SPATA16: variants seen among roughly 807,000 people sequenced by gnomAD.
SPATA16 encodes spermatogenesis-associated protein 16.
In SPATA16, 36 loss-of-function variants were observed where a neutral mutation model predicts 63.3. The observed-to-expected ratio is 0.57, with a 90% CI of 0.44 to 0.75. SPATA16 has a LOEUF of 0.75. SPATA16 is among the 30% of genes least tolerant of loss of function. SPATA16 has a pLI of 0.00. For missense variants in SPATA16, 646 were observed against 679.3 expected, an observed-to-expected ratio of 0.95 and a Z score of 0.54; for synonymous variants, 203 against 216.7, an observed-to-expected ratio of 0.94 and a Z score of 0.56.
At chr3:173,051,864 T>A (rs966443600) in intron 2 of SPATA16, among the ~76,000 whole-genome samples, 1 of 151,062 alleles carries the variant, frequency 6.6e-6, no homozygotes, top group Non-Finnish European at 1.5e-5. Flanking sequence ...CAGGCTGGAG[T>A]GTAATGGCAG....
At chr3:172,945,551 G>T (rs1481209295) in intron 6 of SPATA16, among the ~76,000 whole-genome samples, 1 of 152,194 alleles carries the variant, frequency 6.6e-6, no homozygotes, top group Non-Finnish European at 1.5e-5. Flanking sequence ...CCATTCCCTG[G>T]CAGTAGAGAG....
chr3:173,074,729 G>A (rs1173989876), intron 2 of SPATA16, among the ~76,000 whole-genome samples: 2 of 152,142 alleles, frequency 1.3e-5, no homozygotes, highest in South Asian at 2.1e-4. Context: ...GGGAAGGAGG[G>A]AAAGGGACAA....
intron 6 of SPATA16, among the ~76,000 whole-genome samples, chr3:172,955,298 G>C (rs1560077964): frequency 6.6e-6 from 1 of 152,100 alleles, no homozygotes; most frequent in African/African-American, 2.4e-5. Flanking sequence ...ATGGATCTGG[G>C]AGTGGAAATG....
At chr3:173,084,439 T>G (rs1353766474) in intron 2 of SPATA16, among the ~76,000 whole-genome samples, 2 of 152,202 alleles carry the variant, frequency 1.3e-5, no homozygotes, top group Non-Finnish European at 2.9e-5. Flanking sequence ...GATGCATAGA[T>G]GGCAAAAATT....
At chr3:173,049,814 C>G (rs1252658843) in intron 2 of SPATA16, among the ~76,000 whole-genome samples, 1 of 151,840 alleles carries the variant, frequency 6.6e-6, no homozygotes, top group Non-Finnish European at 1.5e-5. Context: ...TTTGGAGAAC[C>G]CCAAACATTA....
At chr3:173,076,298 T>C (rs1232076579) in intron 2 of SPATA16, among the ~76,000 whole-genome samples, 1 of 152,172 alleles carries the variant, frequency 6.6e-6, no homozygotes, top group Admixed American at 6.5e-5. Context: ...CGTTTGTGAA[T>C]GCCAAGAGAA....
intron 4 of SPATA16, among the ~76,000 whole-genome samples, chr3:172,982,950 C>T (rs1734356123): frequency 1.3e-5 from 2 of 152,298 alleles, no homozygotes; most frequent in East Asian, 1.9e-4. Flanking sequence ...AAAATCACAG[C>T]ACACAATCAG....
At chr3:172,938,551 C>T (rs1436335399) in intron 6 of SPATA16, among the ~76,000 whole-genome samples, 2 of 152,090 alleles carry the variant, frequency 1.3e-5, no homozygotes, top group East Asian at 1.9e-4. Flanking sequence ...TCTATTTACC[C>T]CAATGTTAAG....
chr3:172,957,399 A>C (rs1386493845), intron 5 of SPATA16, among the ~76,000 whole-genome samples: 1 of 152,108 alleles, frequency 6.6e-6, no homozygotes, highest in East Asian at 1.9e-4. Context: ...GGCTTTGGCT[A>C]TTTAAGAATT....
intron 2 of SPATA16, among the ~76,000 whole-genome samples, chr3:173,115,887 A>ATTTTTTTTTTC (rs1455980527): frequency 4.7e-5 from 6 of 127,384 alleles, no homozygotes; most frequent in Admixed American, 1.7e-4. Flanking sequence ...TCTTGTGGGC[A>ATTTTTTTTTTC]TTTTTTTTTT....
chr3:172,953,967 C>T (rs1733511222), intron 6 of SPATA16, among the ~76,000 whole-genome samples: 1 of 152,172 alleles, frequency 6.6e-6, no homozygotes, highest in Non-Finnish European at 1.5e-5. Context: ...CATATAGACT[C>T]TTATGTTTGC....
intron 1 of SPATA16, among the ~76,000 whole-genome samples, chr3:173,136,924 CTT>C (rs983804181): frequency 3.3e-5 from 5 of 152,134 alleles, no homozygotes; most frequent in African/African-American, 1.2e-4. Flanking sequence ...TGTCCTCTCT[CTT>C]GGGAAGGAGG....
chr3:172,993,775 CG>C (rs1734635943), intron 4 of SPATA16, among the ~76,000 whole-genome samples: 2 of 152,242 alleles, frequency 1.3e-5, no homozygotes, highest in Middle Eastern at 3.4e-3. Context: ...CCCCCTCCCC[CG>C]CTTAAGATGC....
intron 5 of SPATA16, among the ~76,000 whole-genome samples, chr3:172,960,724 A>G (rs1733728661): frequency 6.6e-6 from 1 of 152,162 alleles, no homozygotes; most frequent in Non-Finnish European, 1.5e-5. Context: ...CAAAAAAGAA[A>G]CAAAATTCAT....
intron 6 of SPATA16, among the ~76,000 whole-genome samples, chr3:172,942,784 A>G (rs1330128150): frequency 1.3e-5 from 2 of 152,140 alleles, no homozygotes; most frequent in Non-Finnish European, 2.9e-5. Context: ...ACCATATATT[A>G]GGGCGTAAAC....
chr3:172,973,451 A>G, intron 5 of SPATA16, among the ~76,000 whole-genome samples: 1 of 152,184 alleles, frequency 6.6e-6, no homozygotes, highest in East Asian at 1.9e-4. Context: ...GAGTTCTGTG[A>G]TACAATTAGC....
chr3:173,106,681 G>A (rs1304831067), intron 2 of SPATA16, among the ~76,000 whole-genome samples: 1 of 152,022 alleles, frequency 6.6e-6, no homozygotes, highest in African/African-American at 2.4e-5. Flanking sequence ...CTTATTTTAT[G>A]ATAATGTCTT....
At chr3:173,017,478 A>G (rs1735220257) in intron 4 of SPATA16, among the ~76,000 whole-genome samples, 1 of 152,152 alleles carries the variant, frequency 6.6e-6, no homozygotes, top group South Asian at 2.1e-4. Context: ...TTTGGCTCCA[A>G]CAGGCTTGAT....
At chr3:172,909,064 T>C (rs897407278) in intron 10 of SPATA16, among the ~76,000 whole-genome samples, 2 of 152,218 alleles carry the variant, frequency 1.3e-5, no homozygotes, top group African/African-American at 4.8e-5. Flanking sequence ...TTATCAGGAC[T>C]TTTAATTTGG....
Sources: allele counts gnomAD v4.1 joint callset (sites outside exome capture counted in the v4.1 genomes callset), GRCh38; gene constraint gnomAD v4.1.1; transcripts MANE v1.5; gene names NCBI Gene and HGNC (gene_info 2026-07-23, HGNC 2026-07-21).